MRPL22: variants seen among roughly 807,000 people sequenced by gnomAD.
The protein encoded by MRPL22 is large ribosomal subunit protein uL22m.
In MRPL22, 27 loss-of-function variants were observed where a neutral mutation model predicts 32.4. The observed-to-expected ratio is 0.83, with a 90% CI of 0.61 to 1.15. MRPL22 has a LOEUF of 1.15. Among genes scored for constraint, MRPL22 ranks in the 50% most tolerant of loss-of-function variants. MRPL22 has a pLI of 0.00. For synonymous variants in MRPL22, 86 were observed against 87.3 expected (o/e 0.99, Z 0.08); for missense variants, 239 against 260.2 (o/e 0.92, Z 0.56).
chr5:154,954,822 C>T (rs1385044119), intron 3 of MRPL22, among the ~76,000 whole-genome samples: 2 of 152,080 alleles, frequency 1.3e-5, no homozygotes, highest in African/African-American at 2.4e-5. Flanking sequence ...GACGGAGTCT[C>T]GCTCTGTCGC....
intron 3 of MRPL22, among the ~76,000 whole-genome samples, chr5:154,952,349 C>T (rs761852310): frequency 6.6e-6 from 1 of 152,108 alleles, no homozygotes; most frequent in Non-Finnish European, 1.5e-5. Flanking sequence ...AGTAGTATGT[C>T]ATCTGCTTAA....
intron 3 of MRPL22, among the ~76,000 whole-genome samples, chr5:154,954,901 C>T (rs1764611601): frequency 6.6e-6 from 1 of 152,172 alleles, no homozygotes; most frequent in African/African-American, 2.4e-5. Context: ...ATGGCATTCT[C>T]CCGCCTCAGC....
At position 154,966,904 on chromosome 5, in the gene MRPL22, G is replaced by C. The variant is rs1561744100; in HGVS notation, c.*7G>C. On this transcript the variant is annotated 3_prime_UTR_variant, in exon 7 of 7. Coordinates refer to ENST00000523037, the MANE Select transcript of MRPL22 (RefSeq NM_014180.4). ...CATCGTTCACACTCTATGATGAGGA[G>C]ATTCAGACTCCACAGTGTATATATT... 6.2e-7 allele frequency: 1 copy of C among 1,606,516 alleles called. No individual in the cohort carries two copies. Among genetic ancestry groups the C allele is most frequent in the Non-Finnish European group, 8.5e-7 (1 of 1,175,894 alleles).
At chr5:154,951,692 AT>A in intron 3 of MRPL22, among the ~76,000 whole-genome samples, 1 of 151,936 alleles carries the variant, frequency 6.6e-6, no homozygotes, top group South Asian at 2.1e-4. Flanking sequence ...GCCCGCCACG[AT>A]GACCAGCTAA....
chr5:154,952,176 C>T (rs773029921), intron 3 of MRPL22, among the ~76,000 whole-genome samples: 1 of 152,098 alleles, frequency 6.6e-6, no homozygotes, highest in Non-Finnish European at 1.5e-5. Context: ...CCATCGTGCC[C>T]GGCCTGAAAT....
At chr5:154,961,908 G>C (rs1764710233) in intron 6 of MRPL22, among the ~76,000 whole-genome samples, 1 of 152,098 alleles carries the variant, frequency 6.6e-6, no homozygotes, top group Non-Finnish European at 1.5e-5. Context: ...TGCTGGTCTT[G>C]AACTCCTGGC....
intron 2 of MRPL22, among the ~76,000 whole-genome samples, chr5:154,944,116 C>T (rs1764457209): frequency 6.6e-6 from 1 of 152,152 alleles, no homozygotes; most frequent in African/African-American, 2.4e-5. Context: ...GGCCGCCATA[C>T]CTGGCTAAGT....
At chr5:154,942,504 C>T (rs954773174) in intron 2 of MRPL22, among the ~76,000 whole-genome samples, 14 of 152,180 alleles carry the variant, frequency 9.2e-5, no homozygotes, top group African/African-American at 3.1e-4. Flanking sequence ...AATCTTCTAT[C>T]ACTCTTCCCC....
intron 2 of MRPL22, among the ~76,000 whole-genome samples, chr5:154,942,328 T>C (rs1406330470): frequency 6.6e-6 from 1 of 152,236 alleles, no homozygotes; most frequent in Non-Finnish European, 1.5e-5. Flanking sequence ...AATCCCACTC[T>C]GAATTCTAGT....
At chr5:154,953,837 C>A (rs1764598047) in intron 3 of MRPL22, among the ~76,000 whole-genome samples, 1 of 151,782 alleles carries the variant, frequency 6.6e-6, no homozygotes, top group Non-Finnish European at 1.5e-5. Context: ...CAGGTGTGTG[C>A]CACCACGCCC....
At chr5:154,958,353 T>A (rs1336107784) in intron 5 of MRPL22, among the ~76,000 whole-genome samples, 1 of 152,074 alleles carries the variant, frequency 6.6e-6, no homozygotes, top group Non-Finnish European at 1.5e-5. Flanking sequence ...TTCAGTTTAG[T>A]AGTAATAGGT....
chr5:154,941,133 A>T lies in MRPL22; in HGVS notation c.23A>T (p.Gln8Leu), dbSNP rs1764407896. ...AAGATGGCGGCGGCAGTACTGGGAC[A>T]GTTGGGTAAGGATTTCTTAGTGGTT... MAAAVLG[Q>L]LGALWIHNLR... is the part of the protein sequence containing the mutation. The change falls in exon 1 of 7, where the codon CAG (glutamine) becomes CTG (leucine). Residue 8 changes from glutamine to leucine, a missense_variant. By Grantham distance (113) the Gln-to-Leu change is moderately radical. Transcript: ENST00000523037. 2.5e-6 allele frequency: 4 copies of T among 1,614,074 alleles called. No homozygotes were observed. Among genetic ancestry groups the T allele is most frequent in the South Asian group, 2.2e-5 (2 of 91,072 alleles).
At position 154,950,815 on chromosome 5, in the gene MRPL22, TCA is replaced by T. The variant is rs765186686; in HGVS notation, c.78-3_78-2del. 5.1e-6 allele frequency: 8 copies of T among 1,579,320 alleles called. No homozygotes were observed. The African/African-American group carries it at 9.5e-5, about 19-fold the overall frequency. ...TGTTGTTTTATAGGCTTCTTTCATT[TCA>T]CAGTGTTTTACCTCAATCATATATC... On this transcript the variant is annotated splice_region_variant and splice_polypyrimidine_tract_variant and intron_variant, in intron 2 of 6. Transcript: ENST00000523037.
In MRPL22 at chr5:154,966,726, C is replaced by A. The variant is rs1175896504; in HGVS notation, c.450C>A (p.Ile150=). 1 of 1,614,192 alleles carries A rather than the reference C, an allele frequency of 6.2e-7. No individual in the cohort carries two copies. The change falls in exon 7 of 7, where the codon ATC becomes ATA. Residue 150 remains isoleucine, a synonymous_variant. Transcript: ENST00000523037. ...GACGAGGCCAGTGCCTGAAACGCAT[C>A]CGCTACCATGGCAGAGGTCGCTTTG... The part of the protein sequence containing the change: ...TSGRGQCLKR[I]RYHGRGRFGI...
At chr5:154,951,001 T>C (rs890020861) in intron 3 of MRPL22, 63 bp downstream of exon 3, 4 of 1,037,830 alleles carry the variant, frequency 3.9e-6, no homozygotes, top group Non-Finnish European at 4.4e-6. Context: ...AAGTGATTAG[T>C]AATGATTTAT....
At chr5:154,951,694 G>GA (rs1256221936) in intron 3 of MRPL22, among the ~76,000 whole-genome samples, 2 of 151,470 alleles carry the variant, frequency 1.3e-5, no homozygotes, top group Non-Finnish European at 2.9e-5. Flanking sequence ...CCGCCACGAT[G>GA]ACCAGCTAAT....
chr5:154,950,811 C>G lies in MRPL22; in HGVS notation c.78-10C>G. On this transcript the variant is annotated splice_polypyrimidine_tract_variant and intron_variant, in intron 2 of 6. Coordinates refer to ENST00000523037, the MANE Select transcript of MRPL22 (RefSeq NM_014180.4). ...TGTCTGTTGTTTTATAGGCTTCTTT[C>G]ATTTCACAGTGTTTTACCTCAATCA... The G allele has an allele frequency of 1.3e-6, 2 of 1,567,846 alleles. No homozygotes were observed. The highest frequency in any genetic ancestry group is 1.8e-6 in the Non-Finnish European group (2 of 1,138,778).
chr5:154,964,958 G>A (rs759641411), intron 6 of MRPL22, among the ~76,000 whole-genome samples: 2 of 152,236 alleles, frequency 1.3e-5, no homozygotes, highest in Middle Eastern at 3.4e-3. Context: ...CAGGGGACGC[G>A]CCGTGATGGG....
chr5:154,946,230 T>A (rs1262486855), intron 2 of MRPL22, among the ~76,000 whole-genome samples: 3 of 152,170 alleles, frequency 2.0e-5, no homozygotes, highest in Admixed American at 6.5e-5. Context: ...GTCATGCTGT[T>A]GGTGATGAGA....
Sources: allele counts gnomAD v4.1 joint callset (sites outside exome capture counted in the v4.1 genomes callset), GRCh38; gene constraint gnomAD v4.1.1; transcripts MANE v1.5; gene names NCBI Gene and HGNC (gene_info 2026-07-23, HGNC 2026-07-21).